Variants in IL7 observed in about 807,000 individuals in gnomAD.
IL7 encodes the protein interleukin 7.
Under a neutral mutation model 21.6 loss-of-function variants are expected in IL7, and 3 were observed. The ratio of observed to expected loss-of-function variants is 0.14; its 90% CI spans 0.06 to 0.36. The LOEUF is 0.36. IL7 is among the 10% of genes least tolerant of loss of function. The probability of loss-of-function intolerance (pLI) is 1.00; values close to 1 mark genes in which losing one functional copy is unlikely to be tolerated. For missense variants in IL7, 175 were observed against 200.2 expected (o/e 0.87, Z 0.76); for synonymous variants, 62 against 68.1 (o/e 0.91, Z 0.44).
intron 2 of IL7, among the ~76,000 whole-genome samples, chr8:78,790,189 A>G (rs1230285961): frequency 6.6e-6 from 1 of 152,210 alleles, no homozygotes; most frequent in East Asian, 1.9e-4. Flanking sequence ...TTTGCCTACA[A>G]TTAGACTGAG....
At chr8:78,711,020 C>T (rs912881236) in intron 3 of IL7, among the ~76,000 whole-genome samples, 5 of 151,968 alleles carry the variant, frequency 3.3e-5, no homozygotes, top group Non-Finnish European at 7.4e-5. Flanking sequence ...TCTTATTTAC[C>T]ACCACATCCT....
In IL7 at chr8:78,769,548, T is replaced by A. The variant is rs1451330976; in HGVS notation, c.147+28524A>T. ...TGAAATAAAAGAGGATACAAACAAATGGAAGAACAATCCATGCTCATGGGT... is the reference window on the plus strand; with the variant it reads ...TGAAATAAAAGAGGATACAAACAAAAGGAAGAACAATCCATGCTCATGGGT... On this transcript the variant is annotated intron_variant, in intron 2 of 5. Transcript: ENST00000263851. Among the ~76,000 whole-genome samples the A allele has an allele frequency of 2.6e-5, 4 of 152,268 alleles. No individual in the cohort carries two copies. The South Asian group carries it at 8.3e-4, about 32-fold the overall frequency.
chr8:78,713,523 G>T (rs1025933606), downstream of IL7, among the ~76,000 whole-genome samples: 12 of 151,356 alleles, frequency 7.9e-5, no homozygotes, highest in Non-Finnish European at 1.8e-4. Context: ...ATTTCCTAAA[G>T]ATTGAATTTC....
intron 2 of IL7, among the ~76,000 whole-genome samples, chr8:78,768,712 T>C (rs1265823617): frequency 6.6e-6 from 1 of 151,950 alleles, no homozygotes; most frequent in Non-Finnish European, 1.5e-5. Context: ...TTTCTCCCAT[T>C]TTGTATGTTG....
intron 3 of IL7, chr8:78,689,211 A>T (rs368612042): frequency 1.0e-5 from 15 of 1,462,630 alleles, no homozygotes; most frequent in Admixed American, 2.5e-5. Flanking sequence ...TTCCGTTTTT[A>T]TCTGTTATAG....
chr8:78,799,985 A>G (rs1813998340), intron 1 of IL7, among the ~76,000 whole-genome samples: 1 of 152,196 alleles, frequency 6.6e-6, no homozygotes, highest in Non-Finnish European at 1.5e-5. Context: ...AATATACTGT[A>G]CAGTGGTGAA....
rs10097303 is a variant in IL7 at position 78,775,862 on chromosome 8, T to G, written c.147+22210A>C. On this transcript the variant is annotated intron_variant, in intron 2 of 5. Transcript: ENST00000263851. ...GGCTTGGGACTTCACTGGACCTCTG[T>G]GTAAGATTTTACTTCAAACACTTCC... Among the ~76,000 whole-genome samples, 1,492 of 152,162 alleles carry G rather than the reference T, an allele frequency of 9.8e-3. 20 individuals are homozygous for G. The highest frequency in any genetic ancestry group is 0.035 in the African/African-American group (1,434 of 41,530).
At chr8:78,707,396 A>G (rs1810806793) in intron 3 of IL7, among the ~76,000 whole-genome samples, 1 of 152,226 alleles carries the variant, frequency 6.6e-6, no homozygotes, top group Admixed American at 6.5e-5. Flanking sequence ...ATAATCTGCC[A>G]CTAAATAGCT....
chr8:78,797,531 A>G (rs1813900357), intron 2 of IL7, among the ~76,000 whole-genome samples: 1 of 151,946 alleles, frequency 6.6e-6, no homozygotes, highest in Non-Finnish European at 1.5e-5. Context: ...ATTTTCTAGA[A>G]ACCTAAGTTG....
chr8:78,719,731 T>A (rs2130628709), intron 5 of IL7: 1 of 151,894 alleles, frequency 6.6e-6, no homozygotes, highest in Middle Eastern at 3.4e-3. Flanking sequence ...GTCTTCATAT[T>A]TGAACCTATT....
At chr8:78,793,929 T>G (rs1160701683) in intron 2 of IL7, among the ~76,000 whole-genome samples, 1 of 152,174 alleles carries the variant, frequency 6.6e-6, no homozygotes, top group Non-Finnish European at 1.5e-5. Context: ...AACCACTTTC[T>G]TTGCTCATGC....
chr8:78,773,357 C>CT (rs1476331070), intron 2 of IL7, among the ~76,000 whole-genome samples: 4 of 152,112 alleles, frequency 2.6e-5, no homozygotes, highest in Admixed American at 6.6e-5. Context: ...CAGAAATGGA[C>CT]TTTTTTCTCA....
downstream of IL7, among the ~76,000 whole-genome samples, chr8:78,713,275 T>G (rs978690509): frequency 1.3e-5 from 2 of 152,104 alleles, no homozygotes; most frequent in African/African-American, 4.8e-5. Context: ...CCATTCTAGA[T>G]GTTACTAAAA....
chr8:78,793,095 CATT>C (rs1413845771), intron 2 of IL7, among the ~76,000 whole-genome samples: 1 of 151,986 alleles, frequency 6.6e-6, no homozygotes, highest in East Asian at 1.9e-4. Flanking sequence ...ATTTTAAAAA[CATT>C]ATACTAAGGC....
chr8:78,793,470 A>C (rs1457559250), intron 2 of IL7, among the ~76,000 whole-genome samples: 1 of 152,128 alleles, frequency 6.6e-6, no homozygotes, highest in Admixed American at 6.6e-5. Context: ...ACTGTAGTCT[A>C]TTATGTGTAC....
At chr8:78,697,454 A>G (rs1474057394) in intron 3 of IL7, 2 of 1,610,626 alleles carry the variant, frequency 1.2e-6, no homozygotes, top group Admixed American at 3.4e-5. Context: ...GAACTGCATC[A>G]TCAGGATCTT....
At chr8:78,786,325 T>C (rs1464882020) in intron 2 of IL7, among the ~76,000 whole-genome samples, 1 of 152,108 alleles carries the variant, frequency 6.6e-6, no homozygotes. Context: ...TCTAAACATA[T>C]CTAAATATAG....
chr8:78,686,497 A>C (rs1215471301), intron 3 of IL7: 8 of 1,537,778 alleles, frequency 5.2e-6, no homozygotes, highest in Non-Finnish European at 7.0e-6. Context: ...ATCTAATTGG[A>C]GAAGGAAACA....
intron 3 of IL7, among the ~76,000 whole-genome samples, chr8:78,686,942 AG>A (rs1809999124): frequency 6.6e-6 from 1 of 152,170 alleles, no homozygotes. Flanking sequence ...GTAGTCATTC[AG>A]CAGGAGTCAT....
Sources: allele counts gnomAD v4.1 joint callset (sites outside exome capture counted in the v4.1 genomes callset), GRCh38; gene constraint gnomAD v4.1.1; transcripts MANE v1.5; gene names NCBI Gene and HGNC (gene_info 2026-07-23, HGNC 2026-07-21).